FERMT2: variants seen among roughly 807,000 people sequenced by gnomAD.
The protein encoded by FERMT2 is FERM domain containing kindlin 2, also known as fermitin family homolog 2.
In FERMT2, 15 loss-of-function variants were observed where a neutral mutation model predicts 82.7. The ratio of observed to expected loss-of-function variants is 0.18; its 90% CI spans 0.12 to 0.28. The LOEUF (loss-of-function observed/expected upper bound fraction) is 0.28, where lower values mean the gene tolerates loss of function less well. FERMT2 is among the 10% of genes least tolerant of loss of function. The pLI, the probability that FERMT2 is intolerant of heterozygous loss-of-function variation, is 1.00. For synonymous variants in FERMT2, 274 were observed against 271.5 expected, an observed-to-expected ratio of 1.01 and a Z score of -0.09; for missense variants, 645 against 809.4, an observed-to-expected ratio of 0.80 and a Z score of 2.46.
intron 4 of FERMT2, among the ~76,000 whole-genome samples, chr14:52,885,697 TA>T (rs893223309): frequency 4.7e-4 from 71 of 152,318 alleles, no homozygotes; most frequent in African/African-American, 1.6e-3. Flanking sequence ...AAACAACTCC[TA>T]AATATTGCTA....
At chr14:52,896,997 AAAACACACAC>A (rs1887298809) in intron 3 of FERMT2, among the ~76,000 whole-genome samples, 1 of 87,116 alleles carries the variant, frequency 1.1e-5, no homozygotes, top group Non-Finnish European at 2.2e-5. Context: ...CAAAACAAAT[AAAACACACAC>A]ACACACACAC....
chr14:52,935,443 C>G (rs1323255462), intron 2 of FERMT2, among the ~76,000 whole-genome samples: 1 of 152,132 alleles, frequency 6.6e-6, no homozygotes, highest in Non-Finnish European at 1.5e-5. Flanking sequence ...AAGATGGGGC[C>G]TTGGGGAGGT....
At chr14:52,950,648 C>A (rs1890588883) in intron 1 of FERMT2, 71 bp from the exon 2 acceptor site, 2 of 1,497,558 alleles carry the variant, frequency 1.3e-6, no homozygotes, top group Non-Finnish European at 1.8e-6. Flanking sequence ...ACCGAATTCG[C>A]AGCGCCGGCC....
intron 10 of FERMT2, 33 bp downstream of exon 10, chr14:52,872,766 C>A (rs1252868231): frequency 3.7e-6 from 6 of 1,609,846 alleles, no homozygotes; most frequent in Non-Finnish European, 2.5e-6. Flanking sequence ...GGGGATGCCA[C>A]CATCAACAAC....
At chr14:52,899,765 T>G (rs947562027) in intron 3 of FERMT2, among the ~76,000 whole-genome samples, 2 of 152,240 alleles carry the variant, frequency 1.3e-5, no homozygotes, top group Non-Finnish European at 2.9e-5. Context: ...CTCTCCACAT[T>G]AAGATACTGA....
At chr14:52,894,338 A>C (rs1887130952) in intron 3 of FERMT2, among the ~76,000 whole-genome samples, 1 of 152,240 alleles carries the variant, frequency 6.6e-6, no homozygotes, top group Non-Finnish European at 1.5e-5. Context: ...TTTGTTAAGA[A>C]GTCAATTCTC....
intron 4 of FERMT2, among the ~76,000 whole-genome samples, chr14:52,892,113 G>A (rs1335746564): frequency 6.6e-6 from 1 of 151,318 alleles, no homozygotes; most frequent in Non-Finnish European, 1.5e-5. Flanking sequence ...AAGGAAAAAA[G>A]GTAGGAAGGC....
chr14:52,864,330 G>C (rs2140062120), intron 12 of FERMT2, 71 bp downstream of exon 12: 1 of 1,180,978 alleles, frequency 8.5e-7, no homozygotes, highest in Non-Finnish European at 1.2e-6. Flanking sequence ...TTTAAGAGGG[G>C]AAAAACAAAG....
At chr14:52,924,397 AT>A (rs1889134994) in intron 2 of FERMT2, among the ~76,000 whole-genome samples, 2 of 145,192 alleles carry the variant, frequency 1.4e-5, no homozygotes, top group Admixed American at 7.1e-5. Context: ...AACTAGGGCT[AT>A]TTTGGTTTGT....
rs777285253 is a variant in FERMT2, at chr14:52,864,397, G to A, written c.1602+4C>T. On this transcript the variant is annotated splice_donor_region_variant and intron_variant, in intron 12 of 14. Coordinates refer to ENST00000341590, the MANE Select transcript of FERMT2 (RefSeq NM_006832.3). Reference sequence around the variant, plus strand: ...CAGTAGATGAAGTAAAATGAAGTAAGTACCTGCTTGTTCTTATACTTTTTT... The same window carrying A: ...CAGTAGATGAAGTAAAATGAAGTAAATACCTGCTTGTTCTTATACTTTTTT... 1.2e-6 allele frequency: 2 copies of A among 1,601,900 alleles called. No homozygotes were observed. The highest frequency in any genetic ancestry group is 1.3e-5 in the African/African-American group (1 of 74,806).
Position 52,858,349 on chromosome 14 carries a change from G to A in FERMT2, c.*28C>T, listed in dbSNP as rs766246952. The A allele has an allele frequency of 3.0e-5, 48 of 1,575,870 alleles. No homozygotes were observed. Among genetic ancestry groups the A allele is most frequent in the Non-Finnish European group, 3.8e-5 (43 of 1,146,056 alleles). ...TTTAAAGTTAAATATTGTTATGGCCGTGGAGTTTCATTAAACAGTATTCCT... is the reference window on the plus strand; with the variant it reads ...TTTAAAGTTAAATATTGTTATGGCCATGGAGTTTCATTAAACAGTATTCCT... On this transcript the variant is annotated 3_prime_UTR_variant, in exon 15 of 15. Coordinates refer to ENST00000341590, the MANE Select transcript of FERMT2 (RefSeq NM_006832.3).
chr14:52,933,131 G>A (rs1003407019), intron 2 of FERMT2, among the ~76,000 whole-genome samples: 4 of 152,034 alleles, frequency 2.6e-5, no homozygotes, highest in African/African-American at 9.7e-5. Context: ...TCACAGAACA[G>A]TCATTATAGT....
rs1884676822 is a variant in FERMT2, at chr14:52,858,084, T to C, written c.*293A>G. The C allele has an allele frequency of 9.0e-6, 3 of 331,646 alleles. No homozygotes were observed. In the South Asian group the frequency reaches 1.6e-4, roughly 17 times the overall value. The allele number at this position is 331,646 out of a possible 1,614,324, so 20.5% of individuals were successfully genotyped here. A position where few individuals can be genotyped will look rare whatever the true frequency, so the allele number is the denominator to read the frequency against. ...AATAGATGGCTTGTTTCTTACAGTT[T>C]GGCTAGCTTAAATCAGTAAATCAGT... On this transcript the variant is annotated 3_prime_UTR_variant, in exon 15 of 15. Coordinates refer to ENST00000341590, the MANE Select transcript of FERMT2 (RefSeq NM_006832.3).
At chr14:52,893,156 C>G in intron 4 of FERMT2, 137 bp downstream of exon 4, 2 of 680,842 alleles carry the variant, frequency 2.9e-6, no homozygotes, top group Non-Finnish European at 4.6e-6. Flanking sequence ...GCCACCATGC[C>G]TGGCTAATTG....
chr14:52,920,555 G>T (rs1281717839), intron 2 of FERMT2, among the ~76,000 whole-genome samples: 3 of 151,956 alleles, frequency 2.0e-5, no homozygotes, highest in Non-Finnish European at 2.9e-5. Context: ...GATCACTTGA[G>T]CCCATAAGGT....
At chr14:52,871,115 G>C (rs1885595646) in intron 10 of FERMT2, among the ~76,000 whole-genome samples, 1 of 152,188 alleles carries the variant, frequency 6.6e-6, no homozygotes, top group Non-Finnish European at 1.5e-5. Flanking sequence ...TATGGCTGCA[G>C]GTGTTAGCTC....
Position 52,933,731 on chromosome 14 carries a change from AAAAAAAG to A in FERMT2, c.158-14382_158-14376del, listed in dbSNP as rs1172294711. ...GTCTCAAAAAAAAAAAAAAAAAAAA[AAAAAAAG>A]GGAAAAGAAAAAAACCCCAAAACTT... is the stretch of plus-strand genomic sequence containing the variant. On this transcript the variant is annotated intron_variant, in intron 2 of 14. Transcript: ENST00000341590. Among the ~76,000 whole-genome samples, 55 of 149,878 alleles carry A rather than the reference AAAAAAAG, an allele frequency of 3.7e-4. 2 individuals are homozygous for A. Among genetic ancestry groups the A allele is most frequent in the Middle Eastern group, 3.5e-3 (1 of 286 alleles).
intron 4 of FERMT2, among the ~76,000 whole-genome samples, chr14:52,886,876 C>A (rs1200040898): frequency 6.6e-6 from 1 of 152,082 alleles, no homozygotes; most frequent in Non-Finnish European, 1.5e-5. Flanking sequence ...AATTTTAATA[C>A]ATTTTTTATA....
chr14:52,883,775 A>C (rs1886424784), intron 4 of FERMT2, among the ~76,000 whole-genome samples: 1 of 152,180 alleles, frequency 6.6e-6, no homozygotes, highest in Admixed American at 6.5e-5. Context: ...GTTTTGCACC[A>C]TCCCCGCTTG....
Sources: gnomAD v4.1 joint callset for allele counts (sites outside exome capture counted in the v4.1 genomes callset) on GRCh38, gnomAD v4.1.1 for gene constraint, MANE v1.5 for transcripts, NCBI Gene and HGNC (gene_info 2026-07-23, HGNC 2026-07-21) for gene names.